Variants in SLC16A7 observed in about 807,000 individuals in gnomAD.
SLC16A7 encodes solute carrier family 16 member 7.
A neutral mutation model predicts 34.9 loss-of-function variants in SLC16A7; 33 were observed. That is an observed-to-expected ratio of 0.94 (90% CI 0.72 to 1.26). The LOEUF (loss-of-function observed/expected upper bound fraction) is 1.26, where lower values mean the gene tolerates loss of function less well. Ranked by LOEUF, SLC16A7 falls within the 50% of genes most tolerant of loss-of-function variation. The pLI is 0.00. For missense variants in SLC16A7, 573 were observed against 578.1 expected, an observed-to-expected ratio of 0.99 and a Z score of 0.09; for synonymous variants, 201 against 206.6, an observed-to-expected ratio of 0.97 and a Z score of 0.23.
intron 3 of SLC16A7, chr12:59,720,195 C>A: frequency 1.6e-6 from 1 of 637,608 alleles, no homozygotes; most frequent in South Asian, 1.8e-5. Context: ...TTGGAATCTT[C>A]CTAAGTTATT....
At chr12:59,599,040 G>A (rs188985358) in intron 1 of SLC16A7, among the ~76,000 whole-genome samples, 5 of 152,208 alleles carry the variant, frequency 3.3e-5, no homozygotes, top group African/African-American at 9.6e-5. Flanking sequence ...GGCAAGCACC[G>A]ATGCGATCTG....
At chr12:59,756,317 G>A (rs1268177694) in intron 3 of SLC16A7, among the ~76,000 whole-genome samples, 2 of 152,052 alleles carry the variant, frequency 1.3e-5, no homozygotes, top group African/African-American at 4.8e-5. Context: ...GAGTGAACAG[G>A]CAACCTACAA....
chr12:59,615,281 G>GT, intron 1 of SLC16A7, among the ~76,000 whole-genome samples: 1 of 151,726 alleles, frequency 6.6e-6, no homozygotes, highest in Non-Finnish European at 1.5e-5. Flanking sequence ...TTTTATAGCA[G>GT]CACAAACAGA....
At chr12:59,742,978 A>T (rs917660723) in intron 3 of SLC16A7, among the ~76,000 whole-genome samples, 1 of 152,230 alleles carries the variant, frequency 6.6e-6, no homozygotes, top group South Asian at 2.1e-4. Flanking sequence ...AATTGTCAAA[A>T]AAAGTAGATG....
At chr12:59,673,242 GT>G (rs1870035008) in intron 2 of SLC16A7, among the ~76,000 whole-genome samples, 1 of 152,132 alleles carries the variant, frequency 6.6e-6, no homozygotes, top group Non-Finnish European at 1.5e-5. Context: ...TTATATCTGA[GT>G]GTAGAACATT....
At chr12:59,646,889 G>A (rs560317568) in intron 1 of SLC16A7, among the ~76,000 whole-genome samples, 41 of 152,284 alleles carry the variant, frequency 2.7e-4, no homozygotes, top group African/African-American at 9.6e-4. Context: ...TTTAATGACT[G>A]TCCTACTGGA....
chr12:59,638,731 G>A (rs1325726018), intron 1 of SLC16A7, among the ~76,000 whole-genome samples: 1 of 152,062 alleles, frequency 6.6e-6, no homozygotes, highest in East Asian at 1.9e-4. Context: ...ATGATACTAA[G>A]TACTTATATG....
At chr12:59,662,520 CA>C (rs1565635666) in intron 2 of SLC16A7, among the ~76,000 whole-genome samples, 1 of 152,068 alleles carries the variant, frequency 6.6e-6, no homozygotes, top group African/African-American at 2.4e-5. Context: ...ATAACCTTGG[CA>C]AAACTTAGTC....
intron 1 of SLC16A7, among the ~76,000 whole-genome samples, chr12:59,648,031 G>A (rs752213738): frequency 6.6e-6 from 1 of 152,150 alleles, no homozygotes; most frequent in Non-Finnish European, 1.5e-5. Context: ...TCCAACCTGG[G>A]TGACAGAGTG....
At chr12:59,603,676 T>C (rs905571035) in intron 1 of SLC16A7, among the ~76,000 whole-genome samples, 2 of 152,192 alleles carry the variant, frequency 1.3e-5, no homozygotes, top group Non-Finnish European at 2.9e-5. Flanking sequence ...TGATTTTATA[T>C]AATTATTCAG....
chr12:59,617,068 A>T (rs980114432), intron 1 of SLC16A7, among the ~76,000 whole-genome samples: 1 of 152,096 alleles, frequency 6.6e-6, no homozygotes, highest in Non-Finnish European at 1.5e-5. Context: ...GTGTATGAAT[A>T]AAATCACTTC....
At chr12:59,752,876 A>C (rs911600332) in intron 3 of SLC16A7, among the ~76,000 whole-genome samples, 1 of 152,252 alleles carries the variant, frequency 6.6e-6, no homozygotes, top group Admixed American at 6.5e-5. Context: ...TTACCCACAA[A>C]GGGAAGCCCA....
chr12:59,715,732 G>A (rs1417563469), intron 3 of SLC16A7, among the ~76,000 whole-genome samples: 1 of 152,148 alleles, frequency 6.6e-6, no homozygotes, highest in East Asian at 1.9e-4. Flanking sequence ...ATCAATTTTA[G>A]TAAGTAGATA....
intron 3 of SLC16A7, among the ~76,000 whole-genome samples, chr12:59,707,990 G>A (rs752298107): frequency 1.9e-4 from 29 of 152,130 alleles, no homozygotes; most frequent in Admixed American, 8.5e-4. Context: ...GATCTTACAC[G>A]TTTACATAGT....
chr12:59,654,336 ATGT>A (rs1868425780), intron 1 of SLC16A7, among the ~76,000 whole-genome samples: 1 of 151,584 alleles, frequency 6.6e-6, no homozygotes, highest in Non-Finnish European at 1.5e-5. Context: ...TTTATTATTC[ATGT>A]TGTTGTCATT....
intron 1 of SLC16A7, among the ~76,000 whole-genome samples, chr12:59,603,559 G>A (rs1878790793): frequency 6.6e-6 from 1 of 152,066 alleles, no homozygotes; most frequent in Non-Finnish European, 1.5e-5. Context: ...ATTTTCCTCT[G>A]ACACCTCTGG....
At chr12:59,659,409 C>T (rs1278822858) in intron 2 of SLC16A7, among the ~76,000 whole-genome samples, 1 of 152,028 alleles carries the variant, frequency 6.6e-6, no homozygotes, top group Non-Finnish European at 1.5e-5. Flanking sequence ...TCATCCTCCT[C>T]CTAGCTTCCC....
chr12:59,653,440 C>A (rs747482809), intron 1 of SLC16A7, among the ~76,000 whole-genome samples: 1 of 151,520 alleles, frequency 6.6e-6, no homozygotes, highest in Non-Finnish European at 1.5e-5. Flanking sequence ...CATACCTATA[C>A]ATGAAATAAA....
Position 59,671,954 on chromosome 12 carries a change from T to TGTATATAC in SLC16A7, c.-31+16711_-31+16712insCGTATATA, listed in dbSNP as rs1555167655. Among the ~76,000 whole-genome samples, 11 of 57,958 alleles carry TGTATATAC rather than the reference T, an allele frequency of 1.9e-4. 4 individuals carry two copies. Among genetic ancestry groups the TGTATATAC allele is most frequent in the African/African-American group, 1.3e-3 (11 of 8,682 alleles). 38.0% of individuals were successfully genotyped at this position (57,958 alleles called of 152,430 possible). The stretch of plus-strand genomic sequence containing the variant: ...CCATATATGTATATATGTGTATATA[T>TGTATATAC]GTATATATGTGTATATATCCATATA... On this transcript the variant is annotated intron_variant, in intron 2 of 5. Coordinates refer to ENST00000547379, the MANE Select transcript of SLC16A7 (RefSeq NM_001270623.2).
Sources: allele counts gnomAD v4.1 joint callset (sites outside exome capture counted in the v4.1 genomes callset), GRCh38; gene constraint gnomAD v4.1.1; transcripts MANE v1.5; gene names NCBI Gene and HGNC (gene_info 2026-07-23, HGNC 2026-07-21).